Variants in GNPAT observed in about 807,000 individuals in gnomAD.
GNPAT encodes the protein dihydroxyacetone phosphate acyltransferase.
In GNPAT, 30 loss-of-function variants were observed where a neutral mutation model predicts 78.4. The ratio of observed to expected loss-of-function variants is 0.38; its 90% CI spans 0.29 to 0.52. The LOEUF is 0.52. Ranked by LOEUF, GNPAT falls within the 20% of genes least tolerant of loss-of-function variation. The pLI is 0.84. For missense variants in GNPAT, 714 were observed against 812.2 expected, an observed-to-expected ratio of 0.88 and a Z score of 1.47; for synonymous variants, 271 against 281.1, an observed-to-expected ratio of 0.96 and a Z score of 0.36.
chr1:231,252,416 G>A (rs1684922042), intron 2 of GNPAT, among the ~76,000 whole-genome samples: 1 of 152,228 alleles, frequency 6.6e-6, no homozygotes, highest in Non-Finnish European at 1.5e-5. Flanking sequence ...ACATCAAAAT[G>A]AAGGTATTTG....
chr1:231,270,483 G>C (rs1469660670), intron 9 of GNPAT, among the ~76,000 whole-genome samples: 1 of 152,134 alleles, frequency 6.6e-6, no homozygotes, highest in Non-Finnish European at 1.5e-5. Flanking sequence ...TTCATTTTCA[G>C]AGTAGAAACT....
rs750169673 is a variant in GNPAT at position 231,260,632 on chromosome 1, A to G, written c.387A>G (p.Val129=). The change falls in exon 3 of 16, where the codon GTA becomes GTG. Residue 129 remains valine (V), a synonymous_variant. Coordinates refer to ENST00000366647, the MANE Select transcript of GNPAT (RefSeq NM_014236.4). ...TTTGTGCCTTCACCCTGAGCAAAGT[A>G]TTTAAACAAATTTTCTCGAAGGTGT... ...IRFCAFTLSK[V]FKQIFSKVCV... 5.6e-6 allele frequency: 9 copies of G among 1,613,472 alleles called. No homozygotes were observed. Among genetic ancestry groups the G allele is most frequent in the South Asian group, 5.5e-5 (5 of 91,070 alleles).
chr1:231,253,126 G>A (rs978141416), intron 2 of GNPAT, among the ~76,000 whole-genome samples: 5 of 151,818 alleles, frequency 3.3e-5, no homozygotes, highest in Admixed American at 6.6e-5. Flanking sequence ...CAGCCGCCAC[G>A]CCCGGCTAAT....
chr1:231,274,182 G>C, intron 12 of GNPAT, 120 bp downstream of exon 12: 2 of 870,210 alleles, frequency 2.3e-6, no homozygotes, highest in Non-Finnish European at 3.9e-6. Context: ...ATGGAAGAAG[G>C]AGAGAGAGTG....
intron 12 of GNPAT, among the ~76,000 whole-genome samples, chr1:231,274,637 C>A (rs923630347): frequency 3.9e-5 from 6 of 152,160 alleles, no homozygotes; most frequent in African/African-American, 1.4e-4. Flanking sequence ...GGAAGGACTT[C>A]CACATGCTTG....
rs1409019118 is a variant in GNPAT, at chr1:231,277,383, G to A, written c.2000-116G>A. The A allele has an allele frequency of 4.6e-5, 35 of 762,422 alleles. No individual in the cohort carries two copies. In the East Asian group the frequency reaches 6.4e-4, roughly 14 times the overall value. The allele number at this position is 762,422 out of a possible 1,614,324, so 47.2% of individuals were successfully genotyped here. A position where few individuals can be genotyped will look rare whatever the true frequency, so the allele number is the denominator to read the frequency against. On this transcript the variant is annotated intron_variant, in intron 15 of 15. Transcript: ENST00000366647. The stretch of plus-strand genomic sequence containing the variant: ...CGTCCCCATGGGTACTGGCCAGCCT[G>A]TGAAGCTCTGCACAAGTCTCCAGCT...
chr1:231,255,340 A>G (rs1047016518), intron 2 of GNPAT, among the ~76,000 whole-genome samples: 2 of 152,242 alleles, frequency 1.3e-5, no homozygotes, highest in South Asian at 4.1e-4. Flanking sequence ...GTTTAAATAG[A>G]CCTACATCCT....
At position 231,274,400 on chromosome 1, in the gene GNPAT, C is replaced by T. The variant is rs543768146; in HGVS notation, c.1743+338C>T. On this transcript the variant is annotated intron_variant, in intron 12 of 15. Transcript: ENST00000366647. ...CTTCATGTCAGTCAATATGTAACCT[C>T]GAGGTTTGATATATATCAGGCACTC... Among the ~76,000 whole-genome samples, 7 of 152,226 alleles carry T rather than the reference C, an allele frequency of 4.6e-5. No homozygotes were observed. The South Asian group carries it at 1.2e-3, about 27-fold the overall frequency.
At chr1:231,243,802 T>G (rs1057216567) in intron 1 of GNPAT, among the ~76,000 whole-genome samples, 1 of 152,192 alleles carries the variant, frequency 6.6e-6, no homozygotes, top group Non-Finnish European at 1.5e-5. Context: ...ATTTTATGTG[T>G]CGTGTTTACA....
intron 2 of GNPAT, among the ~76,000 whole-genome samples, chr1:231,256,728 CG>C (rs2102808703): frequency 6.6e-6 from 1 of 152,130 alleles, no homozygotes; most frequent in African/African-American, 2.4e-5. Flanking sequence ...CCTCGTGATC[CG>C]CCCGCCTCGG....
At chr1:231,265,813 A>G in intron 6 of GNPAT, 26 bp downstream of exon 6, 1 of 1,400,516 alleles carries the variant, frequency 7.1e-7, no homozygotes, top group Non-Finnish European at 1.0e-6. Flanking sequence ...TTAAAAGGAA[A>G]AATACAAACC....
At chr1:231,254,121 T>C (rs1684976465) in intron 2 of GNPAT, among the ~76,000 whole-genome samples, 1 of 152,194 alleles carries the variant, frequency 6.6e-6, no homozygotes, top group East Asian at 1.9e-4. Flanking sequence ...CTTCTGCTTT[T>C]CTTTAAAACT....
Position 231,241,246 on chromosome 1 carries a change from G to A in GNPAT, c.-133G>A. 2.1e-6 allele frequency: 3 copies of A among 1,460,082 alleles called. No homozygotes were observed. Among genetic ancestry groups the A allele is most frequent in the South Asian group, 1.1e-5 (1 of 87,880 alleles). 90.4% of individuals were successfully genotyped at this position (1,460,082 alleles called of 1,614,324 possible). On this transcript the variant is annotated 5_prime_UTR_variant, in exon 1 of 16. The change creates a new upstream start codon in the 5' untranslated region. Transcript: ENST00000366647. ...CTGAGATGGCGGCGCCCGGGATCCT[G>A]TGTAGCGGCTGCAGAGGGTGCCGCC...
At chr1:231,241,497 G>A in intron 1 of GNPAT, 41 bp downstream of exon 1, 1 of 1,368,336 alleles carries the variant, frequency 7.3e-7, no homozygotes, top group African/African-American at 1.4e-5. Context: ...GGAGCCGCGC[G>A]AAATAGTACC....
chr1:231,271,720 G>C (rs1385481580), intron 10 of GNPAT, among the ~76,000 whole-genome samples: 1 of 152,192 alleles, frequency 6.6e-6, no homozygotes, highest in Admixed American at 6.5e-5. Context: ...GGAGCCATGG[G>C]GTAGGGAAAA....
At chr1:231,243,561 T>C (rs1684671467) in intron 1 of GNPAT, among the ~76,000 whole-genome samples, 1 of 152,106 alleles carries the variant, frequency 6.6e-6, no homozygotes, top group African/African-American at 2.4e-5. Flanking sequence ...TGACCTCAAG[T>C]GATCTACTCA....
At chr1:231,268,720 A>G (rs1685463731) in intron 9 of GNPAT, among the ~76,000 whole-genome samples, 1 of 151,650 alleles carries the variant, frequency 6.6e-6, no homozygotes, top group African/African-American at 2.4e-5. Context: ...AGCCTGACCA[A>G]CATGGTGAAA....
intron 4 of GNPAT, among the ~76,000 whole-genome samples, chr1:231,265,027 G>A (rs929818059): frequency 2.0e-5 from 3 of 152,106 alleles, no homozygotes; most frequent in East Asian, 1.9e-4. Context: ...TATCATAGGG[G>A]TGTCTTACAT....
Position 231,275,388 on chromosome 1 carries a change from C to T in GNPAT, c.1844-17C>T. 6.3e-7 allele frequency: 1 copy of T among 1,582,748 alleles called. No individual in the cohort carries two copies. The highest frequency in any genetic ancestry group is 8.7e-7 in the Non-Finnish European group (1 of 1,151,380). On this transcript the variant is annotated splice_polypyrimidine_tract_variant and intron_variant, in intron 13 of 15. Coordinates refer to ENST00000366647, the MANE Select transcript of GNPAT (RefSeq NM_014236.4). ...ATAGAAACTGGTCAACTAACTCTTC[C>T]TCACCCCCAATTTTAGGTACCTCTC...
Sources: allele counts gnomAD v4.1 joint callset (sites outside exome capture counted in the v4.1 genomes callset), GRCh38; gene constraint gnomAD v4.1.1; transcripts MANE v1.5; gene names NCBI Gene and HGNC (gene_info 2026-07-23, HGNC 2026-07-21).